Variants in DLC1 observed in about 807,000 individuals in gnomAD.
The protein encoded by DLC1 is DLC1 Rho GTPase activating protein, also known as rho GTPase-activating protein 7.
DLC1 carries 54 observed loss-of-function variants against 140.3 expected under a neutral mutation model. The ratio of observed to expected loss-of-function variants is 0.38; its 90% confidence interval spans 0.31 to 0.48. The LOEUF is 0.48. Ranked by LOEUF, DLC1 falls within the 20% of genes least tolerant of loss-of-function variation. The pLI is 0.96. For synonymous variants in DLC1, 986 were observed against 728.1 expected (o/e 1.35, Z -5.70); for missense variants, 2,536 against 1,907.0 (o/e 1.33, Z -6.14).
At chr8:13,436,539 C>T (rs1180959323) in intron 2 of DLC1, among the ~76,000 whole-genome samples, 1 of 152,056 alleles carries the variant, frequency 6.6e-6, no homozygotes, top group Non-Finnish European at 1.5e-5. Flanking sequence ...ATGTCATTGT[C>T]CGGACAATTG....
chr8:13,578,133 C>A (rs920356341), intron 1 of DLC1, among the ~76,000 whole-genome samples: 4 of 152,098 alleles, frequency 2.6e-5, no homozygotes, highest in African/African-American at 9.7e-5. Flanking sequence ...TCCTCAAATT[C>A]ACTGGTCACT....
rs1209537587 is a variant in DLC1 at position 13,499,360 on chromosome 8, G to T, written c.712C>A (p.Pro238Thr). The change falls in exon 2 of 18, where the codon CCT becomes ACT. Residue 238 changes from proline to threonine, a missense_variant. Physicochemically the swap from Pro to Thr is conservative, Grantham distance 38. Transcript: ENST00000276297. ...TCATTTTCATCTTTAGGGGGGTCAG[G>T]TTTCCTTCGTTGCTGAGCAATTACA... ...SAVIAQQRRKPDPPKDENERS... is the reference protein window; with the variant it reads ...SAVIAQQRRKTDPPKDENERS... 1.2e-6 allele frequency: 2 copies of T among 1,613,944 alleles called. No homozygotes were observed.
intron 5 of DLC1, among the ~76,000 whole-genome samples, chr8:13,218,948 A>C (rs189472599): frequency 0.058 from 6,325 of 108,240 alleles, 398 homozygotes; most frequent in South Asian, 0.073. Context: ...ATGATTATAT[A>C]ATTATATACG....
Position 13,100,217 on chromosome 8 carries a change from T to G in DLC1, c.2120A>C (p.Lys707Thr). 1 of 1,614,182 alleles carries G rather than the reference T, an allele frequency of 6.2e-7. No individual in the cohort carries two copies. The highest frequency in any genetic ancestry group is 8.5e-7 in the Non-Finnish European group (1 of 1,180,034). The change falls in exon 9 of 18, where the codon AAG becomes ACG. Residue 707 changes from lysine (K) to threonine (T), a missense_variant. By Grantham distance (78) the Lys-to-Thr change is moderately conservative (BLOSUM62 -1). Coordinates refer to ENST00000276297, the MANE Select transcript of DLC1 (RefSeq NM_182643.3). ...PILQEGMDEEKLKQLNCVEIS... is the reference protein window; with the variant it reads ...PILQEGMDEETLKQLNCVEIS... ...CTCCACGCAGTTGAGCTGCTTCAGC[T>G]TCTCCTCATCCATCCCCTCTTGCAA...
chr8:13,412,893 C>CTGCACTCCA (rs999722416), intron 2 of DLC1, among the ~76,000 whole-genome samples: 3 of 140,068 alleles, frequency 2.1e-5, no homozygotes, highest in African/African-American at 8.0e-5. Context: ...GATCGTGCCA[C>CTGCACTCCA]TGCACTCCAG....
At chr8:13,583,205 G>A (rs1190725385) in intron 1 of DLC1, among the ~76,000 whole-genome samples, 1 of 152,030 alleles carries the variant, frequency 6.6e-6, no homozygotes, top group East Asian at 1.9e-4. Context: ...CTGTTTGATA[G>A]CATTTTACCC....
intron 4 of DLC1, among the ~76,000 whole-genome samples, chr8:13,333,350 C>T (rs1021288552): frequency 5.9e-5 from 9 of 152,260 alleles, no homozygotes; most frequent in South Asian, 4.1e-4. Flanking sequence ...CTCAGCCTCC[C>T]GAGTAGCTGA....
At chr8:13,393,411 T>G in intron 4 of DLC1, 142 bp downstream of exon 4, 1 of 960,536 alleles carries the variant, frequency 1.0e-6, no homozygotes, top group South Asian at 2.3e-5. Context: ...AGGGTTGTAC[T>G]TAATTAAATA....
At chr8:13,181,158 C>T (rs944102818) in intron 5 of DLC1, among the ~76,000 whole-genome samples, 55 of 152,024 alleles carry the variant, frequency 3.6e-4, no homozygotes, top group African/African-American at 1.2e-3. Context: ...TGAAAAGAAA[C>T]CCAGGAACAA....
chr8:13,539,275 C>T (rs978855379), intron 1 of DLC1, among the ~76,000 whole-genome samples: 2 of 152,116 alleles, frequency 1.3e-5, no homozygotes, highest in African/African-American at 4.8e-5. Flanking sequence ...TCTCAGCTCA[C>T]TGCAAGCTCT....
chr8:13,260,654 C>G (rs952643572), intron 5 of DLC1, among the ~76,000 whole-genome samples: 2 of 152,018 alleles, frequency 1.3e-5, no homozygotes, highest in Middle Eastern at 3.2e-3. Context: ...GAAGAAATAT[C>G]CAACTGATGC....
chr8:13,246,199 G>T (rs1332976955), intron 5 of DLC1, among the ~76,000 whole-genome samples: 3 of 152,098 alleles, frequency 2.0e-5, no homozygotes, highest in Non-Finnish European at 4.4e-5. Flanking sequence ...CGAGTTAAAG[G>T]CAGGAAGGAA....
chr8:13,434,497 C>T (rs1235392224), intron 2 of DLC1, among the ~76,000 whole-genome samples: 1 of 151,918 alleles, frequency 6.6e-6, no homozygotes, highest in African/African-American at 2.4e-5. Flanking sequence ...TGTTCATGCA[C>T]ATGTGTGTAT....
chr8:13,516,441 G>A (rs1427514926), upstream of DLC1, among the ~76,000 whole-genome samples: 1 of 152,144 alleles, frequency 6.6e-6, no homozygotes, highest in Non-Finnish European at 1.5e-5. Flanking sequence ...TATTGGGTAG[G>A]TGATAACTCA....
intron 2 of DLC1, among the ~76,000 whole-genome samples, chr8:13,473,463 G>A (rs1443074689): frequency 5.3e-5 from 8 of 152,054 alleles, no homozygotes; most frequent in Admixed American, 5.2e-4. Flanking sequence ...CTTCTGCCAT[G>A]ATACAGTAAA....
At chr8:13,365,854 G>C (rs1462797068) in intron 4 of DLC1, among the ~76,000 whole-genome samples, 1 of 152,072 alleles carries the variant, frequency 6.6e-6, no homozygotes, top group East Asian at 1.9e-4. Flanking sequence ...TATACAAGGA[G>C]TTCCCCATAT....
intron 1 of DLC1, among the ~76,000 whole-genome samples, chr8:13,555,503 T>A (rs1311828334): frequency 6.6e-6 from 1 of 152,118 alleles, no homozygotes; most frequent in South Asian, 2.1e-4. Context: ...AAATTTTTTA[T>A]TTTTTTGAGA....
intron 1 of DLC1, among the ~76,000 whole-genome samples, chr8:13,521,260 G>C (rs759208497): frequency 4.9e-4 from 75 of 152,222 alleles, no homozygotes; most frequent in Non-Finnish European, 5.4e-4. Flanking sequence ...GGAGGGGCTT[G>C]GGGAGGGAGA....
chr8:13,421,502 A>G (rs1271964994), intron 2 of DLC1, among the ~76,000 whole-genome samples: 2 of 152,214 alleles, frequency 1.3e-5, no homozygotes, highest in Non-Finnish European at 2.9e-5. Context: ...CAAAGTTCCT[A>G]CGGAAAAAGC....
Sources: gnomAD v4.1 joint callset for allele counts (sites outside exome capture counted in the v4.1 genomes callset) on GRCh38, gnomAD v4.1.1 for gene constraint, MANE v1.5 for transcripts, NCBI Gene and HGNC (gene_info 2026-07-23, HGNC 2026-07-21) for gene names.